The following ARHGAP26 variants were observed in gnomAD, a reference collection of about 807,000 sequenced individuals.
ARHGAP26 encodes the protein rho GTPase-activating protein 26.
Under a neutral mutation model 104.8 loss-of-function variants are expected in ARHGAP26, and 38 were observed. The ratio of observed to expected loss-of-function variants is 0.36; its 90% CI spans 0.28 to 0.48. The LOEUF is 0.48. Ranked by LOEUF, ARHGAP26 falls within the 20% of genes least tolerant of loss-of-function variation. The probability of loss-of-function intolerance (pLI) is 0.99; values close to 1 mark genes in which losing one functional copy is unlikely to be tolerated. For missense variants in ARHGAP26, 704 were observed against 947.9 expected, an observed-to-expected ratio of 0.74 and a Z score of 3.38; for synonymous variants, 341 against 340.0, an observed-to-expected ratio of 1.00 and a Z score of -0.03.
At chr5:143,055,655 C>T (rs754797909) in intron 15 of ARHGAP26, among the ~76,000 whole-genome samples, 3 of 152,086 alleles carry the variant, frequency 2.0e-5, no homozygotes, top group Admixed American at 6.5e-5. Flanking sequence ...AACAACAAGC[C>T]GCTGGGAAGA....
intron 9 of ARHGAP26, among the ~76,000 whole-genome samples, chr5:142,911,414 T>C (rs1270806100): frequency 1.3e-5 from 2 of 152,198 alleles, no homozygotes; most frequent in African/African-American, 2.4e-5. Flanking sequence ...CCCTCCTCCT[T>C]ATTTTATTTC....
chr5:143,205,880 T>C (rs1334908355), intron 20 of ARHGAP26, among the ~76,000 whole-genome samples: 2 of 152,230 alleles, frequency 1.3e-5, no homozygotes, highest in Admixed American at 1.3e-4. Context: ...AGACACTGGA[T>C]ATACAGCAGT....
intron 8 of ARHGAP26, among the ~76,000 whole-genome samples, chr5:142,904,188 C>T (rs1346626847): frequency 3.9e-5 from 6 of 152,088 alleles, no homozygotes; most frequent in African/African-American, 1.2e-4. Flanking sequence ...AACAAAGGCT[C>T]ACTTCAAGAG....
chr5:143,036,476 C>T (rs1406614668), intron 12 of ARHGAP26, among the ~76,000 whole-genome samples: 1 of 152,214 alleles, frequency 6.6e-6, no homozygotes, highest in Admixed American at 6.5e-5. Flanking sequence ...TGCCTTCATG[C>T]TGCTTCCTTT....
chr5:143,041,122 A>G (rs1222787000), intron 13 of ARHGAP26, among the ~76,000 whole-genome samples: 2 of 152,202 alleles, frequency 1.3e-5, no homozygotes, highest in African/African-American at 2.4e-5. Context: ...CCTGGTCTAA[A>G]TTGCCTTCTT....
At chr5:142,876,353 A>G (rs1321141309) in intron 3 of ARHGAP26, among the ~76,000 whole-genome samples, 3 of 152,214 alleles carry the variant, frequency 2.0e-5, no homozygotes, top group South Asian at 2.1e-4. Context: ...AGTGGTATCT[A>G]TATTATCGCC....
At chr5:143,040,262 T>C (rs146766496) in intron 13 of ARHGAP26, among the ~76,000 whole-genome samples, 312 of 152,354 alleles carry the variant, frequency 2.0e-3, no homozygotes, top group African/African-American at 6.9e-3. Flanking sequence ...TCATGCAGAA[T>C]GATGTACATG....
intron 20 of ARHGAP26, among the ~76,000 whole-genome samples, chr5:143,189,847 G>A (rs1313682110): frequency 1.3e-5 from 2 of 152,162 alleles, no homozygotes; most frequent in Admixed American, 1.3e-4. Context: ...CAGAGGGCTT[G>A]CTTGGCTTGT....
intron 11 of ARHGAP26, among the ~76,000 whole-genome samples, chr5:142,988,939 G>T (rs369333936): frequency 6.6e-6 from 1 of 152,164 alleles, no homozygotes; most frequent in Admixed American, 6.5e-5. Context: ...AATAAGTGTC[G>T]TCTGGTGCTG....
intron 17 of ARHGAP26, among the ~76,000 whole-genome samples, chr5:143,110,523 A>G (rs1237942910): frequency 6.6e-6 from 1 of 152,178 alleles, no homozygotes; most frequent in Non-Finnish European, 1.5e-5. Flanking sequence ...GTCAGTAACA[A>G]CAGGAACCGG....
chr5:143,136,444 T>C (rs1797916274), intron 19 of ARHGAP26, among the ~76,000 whole-genome samples: 2 of 152,224 alleles, frequency 1.3e-5, no homozygotes, highest in Admixed American at 6.5e-5. Flanking sequence ...GCTCAGATAT[T>C]TGTAGGGAGC....
chr5:142,796,649 C>T (rs762193652), intron 1 of ARHGAP26, among the ~76,000 whole-genome samples: 8 of 152,214 alleles, frequency 5.3e-5, no homozygotes, highest in Non-Finnish European at 1.0e-4. Context: ...AAAGTTCAGA[C>T]GTCTTGATAG....
intron 4 of ARHGAP26, among the ~76,000 whole-genome samples, chr5:142,883,801 T>C (rs569937282): frequency 6.6e-6 from 1 of 152,360 alleles, no homozygotes; most frequent in East Asian, 1.9e-4. Flanking sequence ...TTATTTCCTT[T>C]GTAGCACTTG....
intron 20 of ARHGAP26, among the ~76,000 whole-genome samples, chr5:143,182,947 G>T (rs962993840): frequency 1.3e-5 from 2 of 152,074 alleles, no homozygotes; most frequent in African/African-American, 4.8e-5. Flanking sequence ...TACCAGTTGG[G>T]AAGTGCCCCA....
intron 6 of ARHGAP26, among the ~76,000 whole-genome samples, chr5:142,898,453 C>A (rs153172): frequency 0.43 from 64,859 of 151,900 alleles, 17,327 homozygotes; most frequent in East Asian, 0.86. Flanking sequence ...TCCGAGTTTT[C>A]CATCCTGAAT....
intron 11 of ARHGAP26, among the ~76,000 whole-genome samples, chr5:142,983,091 C>T (rs1466303239): frequency 6.6e-6 from 1 of 152,196 alleles, no homozygotes; most frequent in Non-Finnish European, 1.5e-5. Context: ...GAGGACAGGT[C>T]CCCTGACTGC....
chr5:143,119,236 C>G (rs918158653), intron 17 of ARHGAP26, among the ~76,000 whole-genome samples: 1 of 152,124 alleles, frequency 6.6e-6, no homozygotes, highest in African/African-American at 2.4e-5. Flanking sequence ...ATCATCCAAA[C>G]CGTGTATTTT....
intron 4 of ARHGAP26, 127 bp from the exon 5 acceptor site, chr5:142,885,171 C>A: frequency 1.4e-6 from 1 of 713,896 alleles, no homozygotes; most frequent in Non-Finnish European, 2.4e-6. Context: ...ATTTAATGGG[C>A]ATTACCTGAA....
In ARHGAP26 at chr5:142,783,261, C is replaced by A. The variant is rs945258263; in HGVS notation, c.154+12346C>A. On this transcript the variant is annotated intron_variant, in intron 1 of 22. Transcript: ENST00000645722. ...AAGTTCTAGCAGCTTGAGAACATGT[C>A]AGCCAGTGTGGCTCCACGCCTGGGA... is the stretch of plus-strand genomic sequence containing the variant. 2.6e-5 allele frequency among the ~76,000 whole-genome samples: 4 copies of A among 152,366 alleles called. No individual in the cohort carries two copies. In the East Asian group the frequency reaches 7.7e-4, roughly 29 times the overall value.
Sources: gnomAD v4.1 joint callset for allele counts (sites outside exome capture counted in the v4.1 genomes callset) on GRCh38, gnomAD v4.1.1 for gene constraint, MANE v1.5 for transcripts, NCBI Gene and HGNC (gene_info 2026-07-23, HGNC 2026-07-21) for gene names.